DIO1: variants seen among roughly 807,000 people sequenced by gnomAD.
DIO1 encodes iodothyronine deiodinase 1.
Under a neutral mutation model 25.9 loss-of-function variants are expected in DIO1, and 17 were observed. The observed-to-expected ratio is 0.66, with a 90% CI of 0.45 to 0.98. The LOEUF (loss-of-function observed/expected upper bound fraction) is 0.98. Ranked by LOEUF, DIO1 falls within the 50% of genes least tolerant of loss-of-function variation. The probability of loss-of-function intolerance (pLI) is 0.00; values close to 1 mark genes in which losing one functional copy is unlikely to be tolerated. For missense variants in DIO1, 270 were observed against 310.4 expected (o/e 0.87, Z 0.98); for synonymous variants, 115 against 114.0 (o/e 1.01, Z -0.05).
At position 53,894,329 on chromosome 1, in the gene DIO1, A is replaced by T; in HGVS notation, c.119A>T (p.Asn40Ile). Residue 40 changes from asparagine (N) to isoleucine (I), a missense_variant, in exon 1 of 4, where the codon AAC becomes ATC. By Grantham distance (149) the Asn-to-Ile change is moderately radical (BLOSUM62 -3). Transcript: ENST00000361921. The surrounding 1 kb of genome is among the most constrained non-coding windows in gnomAD (Gnocchi z 4.9). Reference sequence around the variant, plus strand: ...TTGTTTCCAGACAGAGTCAAGCGGAACATCCTGGCCATGGGCGAGAAGACG... The same window carrying T: ...TTGTTTCCAGACAGAGTCAAGCGGATCATCCTGGCCATGGGCGAGAAGACG... The part of the protein sequence containing the change: ...LILFPDRVKR[N>I]ILAMGEKTGM... 1.2e-6 allele frequency: 2 copies of T among 1,614,230 alleles called. No homozygotes were observed. Among genetic ancestry groups the T allele is most frequent in the Non-Finnish European group, 1.7e-6 (2 of 1,180,026 alleles).
intron 1 of DIO1, among the ~76,000 whole-genome samples, chr1:53,897,199 A>C (rs1264309715): frequency 6.6e-6 from 1 of 152,166 alleles, no homozygotes; most frequent in Non-Finnish European, 1.5e-5. Context: ...ATTTGGTCTG[A>C]GCCCCGTGGC....
At chr1:53,897,273 C>T (rs575289414) in intron 1 of DIO1, among the ~76,000 whole-genome samples, 2 of 152,088 alleles carry the variant, frequency 1.3e-5, no homozygotes, top group Non-Finnish European at 2.9e-5. Flanking sequence ...GTCAGAAGTT[C>T]AAGACCAGCC....
chr1:53,904,209 G>A (rs1248575612), intron 1 of DIO1, among the ~76,000 whole-genome samples: 1 of 152,216 alleles, frequency 6.6e-6, no homozygotes, highest in East Asian at 1.9e-4. Context: ...GCACTGAATT[G>A]AGAGTTCAGA....
At chr1:53,896,255 C>A (rs1289425371) in intron 1 of DIO1, among the ~76,000 whole-genome samples, 2 of 133,406 alleles carry the variant, frequency 1.5e-5, no homozygotes, top group African/African-American at 2.8e-5. Flanking sequence ...TCTCACTCTA[C>A]TGCCCACGCT....
intron 1 of DIO1, among the ~76,000 whole-genome samples, chr1:53,904,080 G>A (rs914590267): frequency 1.3e-5 from 2 of 152,088 alleles, no homozygotes; most frequent in African/African-American, 2.4e-5. Context: ...CCTACTATGG[G>A]CCAGTAACCA....
intron 1 of DIO1, among the ~76,000 whole-genome samples, chr1:53,901,401 G>A (rs1356036541): frequency 6.6e-6 from 1 of 152,106 alleles, no homozygotes; most frequent in East Asian, 1.9e-4. Context: ...GGTCTTGATT[G>A]GACTGTCTTT....
Position 53,894,512 on chromosome 1 carries a change from C to T in DIO1, c.302C>T (p.Ser101Leu). The T allele has an allele frequency of 5.0e-6, 8 of 1,614,158 alleles. No homozygotes were observed. The highest frequency in any genetic ancestry group is 6.8e-6 in the Non-Finnish European group (8 of 1,180,022). Residue 101 changes from serine to leucine, a missense_variant, in exon 1 of 4, where the codon TCA (serine) becomes TTA (leucine). Ser to Leu is a moderately radical substitution (Grantham distance 145). Transcript: ENST00000361921. The surrounding 1 kb of genome is among the most constrained non-coding windows in gnomAD (Gnocchi z 4.9). Reference sequence around the variant, plus strand: ...CCAAACTGCCCGGTGGTCCGCCTCTCAGGACAGAGGTGCAACATTTGGGAG... The same window carrying T: ...CCAAACTGCCCGGTGGTCCGCCTCTTAGGACAGAGGTGCAACATTTGGGAG... The part of the protein sequence containing the change: ...LAPNCPVVRL[S>L]GQRCNIWEFM...
At position 53,894,393 on chromosome 1, in the gene DIO1, G is replaced by T; in HGVS notation, c.183G>T (p.Trp61Cys). ...ACCCCCATTTCAGCCACGACAACTG[G>T]ATACCAACCTTTTTCAGCACCCAGT... ...TRNPHFSHDN[W>C]IPTFFSTQYF... Residue 61 changes from tryptophan (W) to cysteine (C), a missense_variant, in exon 1 of 4, where the codon TGG becomes TGT. Coordinates refer to ENST00000361921, the MANE Select transcript of DIO1 (RefSeq NM_000792.7). This position sits in a 1 kb window ranked among gnomAD's most constrained non-coding sequence, Gnocchi z 4.9. The T allele has an allele frequency of 3.1e-6, 5 of 1,614,250 alleles. No homozygotes were observed. Among genetic ancestry groups the T allele is most frequent in the Non-Finnish European group, 4.2e-6 (5 of 1,180,048 alleles).
intron 1 of DIO1, among the ~76,000 whole-genome samples, chr1:53,902,557 GT>G (rs1180004791): frequency 6.6e-6 from 1 of 151,786 alleles, no homozygotes; most frequent in Non-Finnish European, 1.5e-5. Flanking sequence ...GAGTAGGGGG[GT>G]TTGGGGGTAT....
intron 1 of DIO1, among the ~76,000 whole-genome samples, chr1:53,899,785 G>A (rs1288618125): frequency 6.6e-6 from 1 of 152,108 alleles, no homozygotes; most frequent in African/African-American, 2.4e-5. Context: ...AAGCAGTCTT[G>A]CTGCCTCAGC....
At position 53,906,053 on chromosome 1, in the gene DIO1, T is replaced by C. The variant is rs111776012; in HGVS notation, c.482-42T>C. ...GGCTATTTAGTCTGCAGGAAGTGTG[T>C]GCTGTGTCAATGGGACTCGGTGCCT... On this transcript the variant is annotated intron_variant, in intron 2 of 3. Transcript: ENST00000361921. The C allele has an allele frequency of 1.1e-3, 1,740 of 1,588,822 alleles. 14 individuals carry two copies. The African/African-American group carries it at 0.021, about 19-fold the overall frequency.
chr1:53,903,544 A>G (rs1346900239), intron 1 of DIO1, among the ~76,000 whole-genome samples: 1 of 151,882 alleles, frequency 6.6e-6, no homozygotes, highest in East Asian at 1.9e-4. Flanking sequence ...ACTACAGAAG[A>G]TTAGAAATGT....
chr1:53,894,473 TA>T lies in DIO1; in HGVS notation c.264del (p.Gly90ValfsTer30), dbSNP rs1311638755. 2 of 1,614,208 alleles carry T rather than the reference TA, an allele frequency of 1.2e-6. No individual in the cohort carries two copies. The highest frequency in any genetic ancestry group is 1.7e-5 in the Admixed American group (1 of 60,028). On this transcript the variant is annotated frameshift_variant, in exon 1 of 4. Transcript: ENST00000361921. LOFTEE classifies it high-confidence loss of function. This position sits in a 1 kb window ranked among gnomAD's most constrained non-coding sequence, Gnocchi z 4.9. ...CAGCGACTAGAGGACACGACTGAGC[TA>T]GGGGGTCTGGCCCCAAACTGCCCGG... is the stretch of plus-strand genomic sequence containing the variant. ...RWQRLEDTTE[L>X]GGLAPNCPVV...
At chr1:53,904,023 CAGGGAGGAGAT>C (rs1651515391) in intron 1 of DIO1, among the ~76,000 whole-genome samples, 1 of 152,142 alleles carries the variant, frequency 6.6e-6, no homozygotes, top group African/African-American at 2.4e-5. Flanking sequence ...CTTCATAGCT[CAGGGAGGAGAT>C]ACAAGCTCAT....
chr1:53,896,894 A>G (rs1339495529), intron 1 of DIO1, among the ~76,000 whole-genome samples: 1 of 152,216 alleles, frequency 6.6e-6, no homozygotes, highest in East Asian at 1.9e-4. Context: ...GGAAGGCAGG[A>G]GCTTCTTTTG....
rs1188592592 is a variant in DIO1 at position 53,904,808 on chromosome 1, A to T, written c.480A>T (p.Ser160=). 12 of 1,609,798 alleles carry T rather than the reference A, an allele frequency of 7.5e-6. No individual in the cohort carries two copies. The highest frequency in any genetic ancestry group is 1.0e-5 in the Non-Finnish European group (12 of 1,178,242). Residue 160 remains serine (S), a splice_region_variant and synonymous_variant, in exon 2 of 4, where the codon TCA becomes TCT. Coordinates refer to ENST00000361921, the MANE Select transcript of DIO1 (RefSeq NM_000792.7). ...TTTACATTGAAGAAGCACATGCATC[A>T]GGTACAGAAAGATTCTCTGCCTCTT... The part of the protein sequence containing the change: ...LVIYIEEAHA[S]DGWAFKNNMD...
chr1:53,898,744 C>CA (rs60469690), intron 1 of DIO1, among the ~76,000 whole-genome samples: 42,099 of 106,096 alleles, frequency 0.4, 8,220 homozygotes, highest in East Asian at 0.61. Context: ...GACTCTGTCT[C>CA]AAAAAAAAAA....
At chr1:53,906,610 T>A (rs1651668727) in intron 3 of DIO1, among the ~76,000 whole-genome samples, 1 of 152,062 alleles carries the variant, frequency 6.6e-6, no homozygotes, top group Non-Finnish European at 1.5e-5. Context: ...GGTTTCAAAC[T>A]CAGAGACAGA....
intron 1 of DIO1, among the ~76,000 whole-genome samples, chr1:53,902,547 G>T (rs1472762726): frequency 1.3e-5 from 2 of 151,778 alleles, no homozygotes; most frequent in Non-Finnish European, 2.9e-5. Flanking sequence ...AGGGGACAAT[G>T]AGTAGGGGGG....
Sources: gnomAD v4.1 joint callset for allele counts (sites outside exome capture counted in the v4.1 genomes callset) on GRCh38, gnomAD v4.1.1 for gene constraint, Gnocchi (gnomAD v3.1) non-coding constraint, MANE v1.5 for transcripts, NCBI Gene and HGNC (gene_info 2026-07-23, HGNC 2026-07-21) for gene names.